RPS6KC1: variants seen among roughly 807,000 people sequenced by gnomAD.
RPS6KC1 encodes the protein ribosomal protein S6 kinase C1, also known as inactive ribosomal protein S6 kinase delta-1.
RPS6KC1 carries 54 observed loss-of-function variants against 103.8 expected under a neutral mutation model. The ratio of observed to expected loss-of-function variants is 0.52; its 90% CI spans 0.42 to 0.65. RPS6KC1 has a LOEUF of 0.65. RPS6KC1 is among the 30% of genes least tolerant of loss of function. The pLI, the probability that RPS6KC1 is intolerant of heterozygous loss-of-function variation, is 0.00. For missense variants in RPS6KC1, 1,151 were observed against 1,253.8 expected, an observed-to-expected ratio of 0.92 and a Z score of 1.24; for synonymous variants, 439 against 438.7, an observed-to-expected ratio of 1.00 and a Z score of -0.01.
chr1:213,550,162 C>T, the RPS6KC1 span, among the ~76,000 whole-genome samples: 2 of 152,304 alleles, frequency 1.3e-5, no homozygotes, highest in Admixed American at 6.5e-5. Context: ...GTTCAGTTTA[C>T]GGTCTTGGCA....
intron 8 of RPS6KC1, among the ~76,000 whole-genome samples, chr1:213,224,376 T>C (rs1014697911): frequency 6.6e-6 from 1 of 152,214 alleles, no homozygotes; most frequent in Non-Finnish European, 1.5e-5. Flanking sequence ...TTTTCTTTTT[T>C]TTCCCCCAGT....
At chr1:213,794,168 C>T in the RPS6KC1 span, among the ~76,000 whole-genome samples, 2 of 152,140 alleles carry the variant, frequency 1.3e-5, no homozygotes, top group South Asian at 2.1e-4. Flanking sequence ...GAGCCTACTC[C>T]TGGCAGAAGT....
At chr1:213,264,123 A>G (rs777531758) in intron 14 of RPS6KC1, among the ~76,000 whole-genome samples, 1 of 152,224 alleles carries the variant, frequency 6.6e-6, no homozygotes, top group Admixed American at 6.5e-5. Context: ...TCACAAACAC[A>G]AGAGTAATGT....
the RPS6KC1 span, among the ~76,000 whole-genome samples, chr1:213,507,609 C>G: frequency 2.6e-3 from 397 of 150,720 alleles, 1 homozygote; most frequent in African/African-American, 9.2e-3. Context: ...GTGGTCCCAT[C>G]CACCGCTCAG....
chr1:213,536,842 G>GAAGGA, the RPS6KC1 span, among the ~76,000 whole-genome samples: 1 of 152,196 alleles, frequency 6.6e-6, no homozygotes, highest in Non-Finnish European at 1.5e-5. Context: ...CAGAGCCAGC[G>GAAGGA]AAGGAGACAT....
At chr1:213,726,285 G>T in the RPS6KC1 span, among the ~76,000 whole-genome samples, 1 of 152,144 alleles carries the variant, frequency 6.6e-6, no homozygotes, top group African/African-American at 2.4e-5. Flanking sequence ...GGGTTGCCCA[G>T]GTTGGTCTTG....
At chr1:213,169,740 A>G (rs562798191) in intron 7 of RPS6KC1, among the ~76,000 whole-genome samples, 1 of 151,280 alleles carries the variant, frequency 6.6e-6, no homozygotes, top group Non-Finnish European at 1.5e-5. Context: ...CATCTTGTAT[A>G]TAAATATTGT....
chr1:213,114,560 C>T (rs991880500), intron 4 of RPS6KC1, among the ~76,000 whole-genome samples: 3 of 151,906 alleles, frequency 2.0e-5, no homozygotes, highest in Non-Finnish European at 4.4e-5. Flanking sequence ...CCTTCTTCTG[C>T]CTAATTGCCC....
the RPS6KC1 span, among the ~76,000 whole-genome samples, chr1:213,651,942 A>G: frequency 6.6e-6 from 1 of 152,180 alleles, no homozygotes; most frequent in Non-Finnish European, 1.5e-5. Context: ...CTCAGTTCAC[A>G]GTCACTTCTC....
At chr1:213,104,340 A>T in intron 3 of RPS6KC1, 114 bp from the exon 4 acceptor site, 1 of 601,268 alleles carries the variant, frequency 1.7e-6, no homozygotes, top group South Asian at 2.5e-5. Flanking sequence ...TTGCATAATA[A>T]GCAAAGCAAC....
chr1:213,841,652 C>CATG, the RPS6KC1 span, among the ~76,000 whole-genome samples: 2 of 152,168 alleles, frequency 1.3e-5, no homozygotes, highest in African/African-American at 4.8e-5. Context: ...CCCTCATAGA[C>CATG]ATGTTTCTGC....
the RPS6KC1 span, among the ~76,000 whole-genome samples, chr1:213,670,933 TCC>T: frequency 1.3e-5 from 2 of 152,060 alleles, no homozygotes; most frequent in African/African-American, 4.8e-5. Flanking sequence ...TCTGTTTTAT[TCC>T]CTCTCAGGGG....
the RPS6KC1 span, among the ~76,000 whole-genome samples, chr1:213,535,423 A>G: frequency 1.3e-5 from 2 of 152,228 alleles, no homozygotes; most frequent in Non-Finnish European, 2.9e-5. Context: ...ATAACACTGC[A>G]GGGTCCCCCA....
At chr1:213,080,205 A>G (rs1165131742) in intron 3 of RPS6KC1, among the ~76,000 whole-genome samples, 1 of 152,168 alleles carries the variant, frequency 6.6e-6, no homozygotes, top group Non-Finnish European at 1.5e-5. Context: ...GGCGTGAGCC[A>G]CTGCGCCTGG....
chr1:213,201,871 A>T (rs568692502), intron 8 of RPS6KC1, among the ~76,000 whole-genome samples: 2 of 152,292 alleles, frequency 1.3e-5, no homozygotes, highest in East Asian at 3.9e-4. Flanking sequence ...AAATTTTAAG[A>T]GATACAGGAG....
At position 213,134,011 on chromosome 1, in the gene RPS6KC1, A is replaced by G. The variant is rs571854576; in HGVS notation, c.835+4122A>G. 3.9e-5 allele frequency among the ~76,000 whole-genome samples: 6 copies of G among 152,072 alleles called. No homozygotes were observed. The South Asian group carries it at 1.0e-3, about 26-fold the overall frequency. On this transcript the variant is annotated intron_variant, in intron 6 of 14. Coordinates refer to ENST00000366960, the MANE Select transcript of RPS6KC1 (RefSeq NM_012424.6). ...TTTGTTTTCACTCAGCCATCTATTC[A>G]TCTAGTTGATCTTTCAACAAGCATT...
chr1:213,608,557 T>C, the RPS6KC1 span, among the ~76,000 whole-genome samples: 1 of 151,924 alleles, frequency 6.6e-6, no homozygotes, highest in African/African-American at 2.4e-5. Flanking sequence ...CGTGGAAACA[T>C]AAACCTGGAC....
chr1:213,162,502 C>G (rs2090577103), intron 6 of RPS6KC1, among the ~76,000 whole-genome samples: 1 of 152,052 alleles, frequency 6.6e-6, no homozygotes, highest in African/African-American at 2.4e-5. Context: ...CAGCTGGTCT[C>G]AAACTCCTGG....
the RPS6KC1 span, among the ~76,000 whole-genome samples, chr1:213,314,602 G>GA: frequency 6.6e-6 from 1 of 151,478 alleles, no homozygotes; most frequent in East Asian, 1.9e-4. Flanking sequence ...GGAATCCTGT[G>GA]AAGACACTTG....
Sources: allele counts gnomAD v4.1 joint callset (sites outside exome capture counted in the v4.1 genomes callset), GRCh38; gene constraint gnomAD v4.1.1; transcripts MANE v1.5; gene names NCBI Gene and HGNC (gene_info 2026-07-23, HGNC 2026-07-21).